Variants in DAB1 observed in about 807,000 individuals in gnomAD.
DAB1 encodes the protein disabled homolog 1.
DAB1 carries 15 observed loss-of-function variants against 64.6 expected under a neutral mutation model. The ratio of observed to expected loss-of-function variants is 0.23; its 90% CI spans 0.16 to 0.36. The LOEUF (loss-of-function observed/expected upper bound fraction) is 0.36, where lower values mean the gene tolerates loss of function less well. Among genes scored for constraint, DAB1 ranks in the 10% least tolerant of loss-of-function variants. DAB1 has a pLI of 1.00. For missense variants in DAB1, 596 were observed against 706.7 expected (o/e 0.84, Z 1.78); for synonymous variants, 235 against 251.9 (o/e 0.93, Z 0.64).
chr1:57,803,806 C>T (rs1651240155), intron 6 of DAB1, among the ~76,000 whole-genome samples: 1 of 152,218 alleles, frequency 6.6e-6, no homozygotes, highest in African/African-American at 2.4e-5. Context: ...AACTATGTGT[C>T]ACTGATTTTT....
chr1:58,471,884 CCAAT>C (rs1310767127), intron 3 of DAB1, among the ~76,000 whole-genome samples: 1 of 152,112 alleles, frequency 6.6e-6, no homozygotes, highest in Middle Eastern at 3.2e-3. Flanking sequence ...GAACCATAAG[CCAAT>C]TAAATCTGTT....
intron 7 of DAB1, among the ~76,000 whole-genome samples, chr1:57,574,994 T>C (rs1006317344): frequency 6.6e-6 from 1 of 152,210 alleles, no homozygotes; most frequent in Non-Finnish European, 1.5e-5. Context: ...AATGAACTAA[T>C]TAGAGGTTGT....
chr1:58,409,870 A>C (rs1300922673), intron 3 of DAB1, among the ~76,000 whole-genome samples: 1 of 152,192 alleles, frequency 6.6e-6, no homozygotes. Flanking sequence ...TTCCTTCCCA[A>C]TTTTGTCTCC....
At position 57,574,778 on chromosome 1, in the gene DAB1, C is replaced by G. The variant is rs147912872; in HGVS notation, n.625+74814G>C. 1.7e-4 allele frequency among the ~76,000 whole-genome samples: 26 copies of G among 152,256 alleles called. No homozygotes were observed. In the East Asian group the frequency reaches 5.0e-3, roughly 29 times the overall value. ...GGTTCTTCCTATTGGGTAGTGCCCA[C>G]TGGTTGGCTTGGCTCAAGAACTGGG... is the stretch of plus-strand genomic sequence containing the variant. On this transcript the variant is annotated intron_variant and non_coding_transcript_variant, in intron 7 of 20. Coordinates refer to the DAB1 transcript ENST00000485760.
chr1:58,355,779 C>T (rs951248484), intron 3 of DAB1, among the ~76,000 whole-genome samples: 2 of 152,180 alleles, frequency 1.3e-5, no homozygotes, highest in African/African-American at 4.8e-5. Flanking sequence ...CTAACTTTAG[C>T]TGCCATTCAT....
At chr1:57,981,852 C>T (rs1646074065) in intron 5 of DAB1, among the ~76,000 whole-genome samples, 1 of 152,218 alleles carries the variant, frequency 6.6e-6, no homozygotes, top group Admixed American at 6.5e-5. Flanking sequence ...GAACAGGATA[C>T]TGTTCAATAA....
intron 5 of DAB1, among the ~76,000 whole-genome samples, chr1:57,957,720 T>C (rs1412369549): frequency 2.6e-5 from 4 of 151,934 alleles, no homozygotes; most frequent in Non-Finnish European, 5.9e-5. Flanking sequence ...GTCAACGAGG[T>C]AGAAAGAAAA....
At chr1:57,489,177 T>G (rs1025081771) in intron 7 of DAB1, among the ~76,000 whole-genome samples, 1 of 152,166 alleles carries the variant, frequency 6.6e-6, no homozygotes, top group Non-Finnish European at 1.5e-5. Context: ...TCTAGGGCAT[T>G]ATTGGGAAGA....
chr1:57,179,622 T>G (rs1045636099), intron 2 of DAB1, among the ~76,000 whole-genome samples: 2 of 152,140 alleles, frequency 1.3e-5, no homozygotes, highest in Admixed American at 6.5e-5. Flanking sequence ...ATGAACCAAT[T>G]TTTCCCTTGG....
intron 3 of DAB1, among the ~76,000 whole-genome samples, chr1:58,493,673 T>A (rs1270611714): frequency 1.3e-5 from 2 of 151,376 alleles, no homozygotes; most frequent in Non-Finnish European, 2.9e-5. Flanking sequence ...CACAATTGCT[T>A]CAAAGAGAAT....
chr1:58,138,579 T>C (rs1039495589), intron 5 of DAB1, among the ~76,000 whole-genome samples: 9 of 152,160 alleles, frequency 5.9e-5, no homozygotes, highest in African/African-American at 2.2e-4. Context: ...GGCACTGGGC[T>C]TGAAAGAAGT....
intron 3 of DAB1, among the ~76,000 whole-genome samples, chr1:58,476,089 A>C (rs1436490210): frequency 6.6e-6 from 1 of 152,228 alleles, no homozygotes; most frequent in Non-Finnish European, 1.5e-5. Flanking sequence ...AATGCTGCCC[A>C]GGACAAGGTC....
intron 5 of DAB1, among the ~76,000 whole-genome samples, chr1:58,031,494 G>A (rs1020301313): frequency 1.2e-4 from 19 of 152,128 alleles, no homozygotes; most frequent in African/African-American, 4.1e-4. Flanking sequence ...ACGTTTAACC[G>A]GAGAAGCAGC....
chr1:57,336,948 T>C (rs1677128051), intron 1 of DAB1, among the ~76,000 whole-genome samples: 1 of 152,154 alleles, frequency 6.6e-6, no homozygotes, highest in Admixed American at 6.5e-5. Flanking sequence ...CTACACAGTA[T>C]TGCCTCTCCC....
intron 7 of DAB1, among the ~76,000 whole-genome samples, chr1:57,549,284 T>C (rs1305277579): frequency 6.6e-6 from 1 of 152,176 alleles, no homozygotes; most frequent in African/African-American, 2.4e-5. Flanking sequence ...TGGTATTAGT[T>C]TTGCATCTTC....
chr1:57,088,966 T>C (rs1653365670), intron 4 of DAB1, among the ~76,000 whole-genome samples: 1 of 152,130 alleles, frequency 6.6e-6, no homozygotes, highest in African/African-American at 2.4e-5. Flanking sequence ...TGAAGCACAA[T>C]GGTTAAGGGC....
chr1:58,192,717 A>G (rs1468519638), intron 4 of DAB1, among the ~76,000 whole-genome samples: 1 of 152,160 alleles, frequency 6.6e-6, no homozygotes, highest in Non-Finnish European at 1.5e-5. Context: ...ATTGATGGAC[A>G]CTTGGTTTGA....
intron 5 of DAB1, among the ~76,000 whole-genome samples, chr1:57,910,549 G>A (rs552510861): frequency 2.6e-5 from 4 of 152,164 alleles, no homozygotes; most frequent in East Asian, 3.9e-4. Flanking sequence ...TGTAATCAAC[G>A]GAACACTAAA....
intron 2 of DAB1, among the ~76,000 whole-genome samples, chr1:57,172,679 T>C (rs1264744781): frequency 6.6e-6 from 1 of 152,080 alleles, no homozygotes; most frequent in Non-Finnish European, 1.5e-5. Flanking sequence ...GCGATCAGGA[T>C]TGGGAGGTGC....
Sources: allele counts gnomAD v4.1 joint callset (sites outside exome capture counted in the v4.1 genomes callset), GRCh38; gene constraint gnomAD v4.1.1; transcripts MANE v1.5; gene names NCBI Gene and HGNC (gene_info 2026-07-23, HGNC 2026-07-21).